Variants in CDH18 observed in about 807,000 individuals in gnomAD.
CDH18 encodes the protein cadherin 18.
In CDH18, 31 loss-of-function variants were observed where a neutral mutation model predicts 67.9. The ratio of observed to expected loss-of-function variants is 0.46; its 90% CI spans 0.34 to 0.62. CDH18 has a LOEUF of 0.62. Among genes scored for constraint, CDH18 ranks in the 20% least tolerant of loss-of-function variants. The probability of loss-of-function intolerance (pLI) is 0.01; values close to 1 mark genes in which losing one functional copy is unlikely to be tolerated. For synonymous variants in CDH18, 362 were observed against 347.2 expected (o/e 1.04, Z -0.48); for missense variants, 890 against 975.5 (o/e 0.91, Z 1.17).
At chr5:19,809,584 G>A (rs1239443544) in intron 3 of CDH18, among the ~76,000 whole-genome samples, 1 of 151,998 alleles carries the variant, frequency 6.6e-6, no homozygotes, top group Non-Finnish European at 1.5e-5. Flanking sequence ...AGAATTTTGT[G>A]GTTATTAGGA....
intron 1 of CDH18, among the ~76,000 whole-genome samples, chr5:20,567,864 T>A (rs1561139235): frequency 6.6e-6 from 1 of 152,190 alleles, no homozygotes; most frequent in Non-Finnish European, 1.5e-5. Flanking sequence ...GTTTTACTCG[T>A]CTTTGCAGCC....
At chr5:19,828,721 C>G (rs1780694587) in intron 3 of CDH18, among the ~76,000 whole-genome samples, 1 of 152,124 alleles carries the variant, frequency 6.6e-6, no homozygotes, top group Middle Eastern at 3.2e-3. Flanking sequence ...ACAAACGAGG[C>G]ACTGAAGGAA....
At chr5:20,495,054 G>T (rs1173839623) in intron 1 of CDH18, among the ~76,000 whole-genome samples, 1 of 152,134 alleles carries the variant, frequency 6.6e-6, no homozygotes, top group Non-Finnish European at 1.5e-5. Context: ...GCTGTAAATT[G>T]TACAGGCAAA....
chr5:19,584,413 G>T (rs1743770694), intron 7 of CDH18, among the ~76,000 whole-genome samples: 1 of 152,124 alleles, frequency 6.6e-6, no homozygotes. Flanking sequence ...CTGCCTTAGA[G>T]ATTAAATAAG....
chr5:20,343,104 G>T (rs1740406822), intron 1 of CDH18, among the ~76,000 whole-genome samples: 1 of 152,172 alleles, frequency 6.6e-6, no homozygotes, highest in Non-Finnish European at 1.5e-5. Context: ...GGATCCCGAG[G>T]TGGCAAAGGC....
chr5:20,323,500 G>C (rs1258013255), intron 1 of CDH18, among the ~76,000 whole-genome samples: 2 of 152,174 alleles, frequency 1.3e-5, no homozygotes, highest in Non-Finnish European at 2.9e-5. Flanking sequence ...TTTATCAGAA[G>C]TACTGTTTTG....
At chr5:19,506,357 C>T (rs1744159475) in intron 10 of CDH18, among the ~76,000 whole-genome samples, 1 of 152,056 alleles carries the variant, frequency 6.6e-6, no homozygotes, top group Non-Finnish European at 1.5e-5. Flanking sequence ...AGATTCAATG[C>T]CATCCCCATC....
chr5:19,774,929 C>G (rs150380692), intron 3 of CDH18, among the ~76,000 whole-genome samples: 1 of 147,940 alleles, frequency 6.8e-6, no homozygotes, highest in Non-Finnish European at 1.5e-5. Context: ...CAGAACCCAA[C>G]GGACCACGCA....
intron 10 of CDH18, among the ~76,000 whole-genome samples, chr5:19,517,026 C>A (rs1265469596): frequency 6.6e-6 from 1 of 152,000 alleles, no homozygotes; most frequent in Non-Finnish European, 1.5e-5. Context: ...TTTATGGTAG[C>A]TGCATATTTA....
At chr5:20,047,770 G>A (rs62354683) in intron 2 of CDH18, among the ~76,000 whole-genome samples, 376 of 151,746 alleles carry the variant, frequency 2.5e-3, no homozygotes, top group Non-Finnish European at 4.4e-3. Context: ...CTGTTTCCAC[G>A]TATACTTCTA....
At chr5:19,533,967 A>T (rs1749037539) in intron 9 of CDH18, among the ~76,000 whole-genome samples, 2 of 152,280 alleles carry the variant, frequency 1.3e-5, no homozygotes, top group Non-Finnish European at 2.9e-5. Context: ...TATTTGAGTG[A>T]TTTGAAGTTT....
intron 2 of CDH18, among the ~76,000 whole-genome samples, chr5:20,197,443 C>G (rs1308538060): frequency 6.6e-6 from 1 of 152,038 alleles, no homozygotes; most frequent in Admixed American, 6.6e-5. Flanking sequence ...TAAAAACTGC[C>G]CATTAGTTCT....
chr5:20,210,113 T>C (rs1237572542), intron 2 of CDH18, among the ~76,000 whole-genome samples: 4 of 151,756 alleles, frequency 2.6e-5, no homozygotes, highest in African/African-American at 7.2e-5. Flanking sequence ...AGTTTCTCAA[T>C]ATTGATTTTA....
intron 3 of CDH18, among the ~76,000 whole-genome samples, chr5:19,763,351 C>T (rs1216249567): frequency 6.6e-6 from 1 of 152,122 alleles, no homozygotes; most frequent in African/African-American, 2.4e-5. Context: ...AGAAATATAT[C>T]CTGAAAGTAG....
rs547520241 is a variant in CDH18 at position 19,815,442 on chromosome 5, C to A, written c.228+23317G>T. ...ATTTTTAATTCAGAGTTTATGATGACATAAAAGCTATCTTTTTTCTAAAAA... is the reference window on the plus strand; with the variant it reads ...ATTTTTAATTCAGAGTTTATGATGAAATAAAAGCTATCTTTTTTCTAAAAA... On this transcript the variant is annotated intron_variant, in intron 3 of 12. Transcript: ENST00000382275. 4.6e-5 allele frequency among the ~76,000 whole-genome samples: 7 copies of A among 152,008 alleles called. No homozygotes were observed. In the South Asian group the frequency reaches 1.2e-3, roughly 27 times the overall value.
chr5:19,725,147 C>T (rs998382207), intron 4 of CDH18, among the ~76,000 whole-genome samples: 12 of 152,102 alleles, frequency 7.9e-5, no homozygotes, highest in African/African-American at 2.4e-4. Flanking sequence ...AGGATAGTCT[C>T]GATCTCCTGA....
intron 2 of CDH18, among the ~76,000 whole-genome samples, chr5:20,130,395 T>G (rs1749171788): frequency 1.4e-5 from 1 of 73,576 alleles, no homozygotes. Flanking sequence ...AGTTCTCTCT[T>G]CCTTAGTTTT....
chr5:19,791,153 A>T (rs1776310103), intron 3 of CDH18, among the ~76,000 whole-genome samples: 2 of 152,214 alleles, frequency 1.3e-5, no homozygotes, highest in South Asian at 2.1e-4. Context: ...AGAGTTTGAG[A>T]TTAGAAACAT....
At chr5:20,532,630 T>A (rs997183616) in intron 1 of CDH18, among the ~76,000 whole-genome samples, 1 of 152,182 alleles carries the variant, frequency 6.6e-6, no homozygotes, top group South Asian at 2.1e-4. Flanking sequence ...CTCATTGCCA[T>A]CTCTTATCCC....
Sources: gnomAD v4.1 joint callset for allele counts (sites outside exome capture counted in the v4.1 genomes callset) on GRCh38, gnomAD v4.1.1 for gene constraint, MANE v1.5 for transcripts, NCBI Gene and HGNC (gene_info 2026-07-23, HGNC 2026-07-21) for gene names.